The following GREM2 variants were observed in gnomAD, a reference collection of about 807,000 sequenced individuals.
GREM2 encodes gremlin 2, DAN family BMP antagonist, also known as gremlin-2.
Under a neutral mutation model 14.2 loss-of-function variants are expected in GREM2, and 11 were observed. That is an observed-to-expected ratio of 0.78 (90% CI 0.49 to 1.28). GREM2 has a LOEUF of 1.28. Among genes scored for constraint, GREM2 ranks in the 50% most tolerant of loss-of-function variants. The pLI is 0.00. For missense variants in GREM2, 210 were observed against 218.5 expected (o/e 0.96, Z 0.24); for synonymous variants, 98 against 97.6 (o/e 1.00, Z -0.02).
intron 1 of GREM2, among the ~76,000 whole-genome samples, chr1:240,505,563 C>T (rs945953491): frequency 2.0e-5 from 3 of 151,812 alleles, no homozygotes; most frequent in African/African-American, 7.3e-5. Context: ...TGCTATTTTG[C>T]CCTCTTTTTT....
At chr1:240,519,545 C>T (rs562252749) in intron 1 of GREM2, among the ~76,000 whole-genome samples, 3 of 152,154 alleles carry the variant, frequency 2.0e-5, no homozygotes, top group East Asian at 1.9e-4. Context: ...TCAACATATA[C>T]GGTATTCACG....
intron 1 of GREM2, among the ~76,000 whole-genome samples, chr1:240,600,736 G>T (rs998432635): frequency 6.6e-6 from 1 of 151,946 alleles, no homozygotes; most frequent in Admixed American, 6.6e-5. Context: ...CACCTGCCTC[G>T]GCCTCCCAAA....
At position 240,492,301 on chromosome 1, in the gene GREM2, G is replaced by A; in HGVS notation, c.*668C>T. 2 of 425,968 alleles carry A rather than the reference G, an allele frequency of 4.7e-6. No homozygotes were observed. Among genetic ancestry groups the A allele is most frequent in the Non-Finnish European group, 4.8e-6 (1 of 208,640 alleles). The allele number at this position is 425,968 out of a possible 1,614,324, so 26.4% of individuals were successfully genotyped here. A position where few individuals can be genotyped will look rare whatever the true frequency, so the allele number is the denominator to read the frequency against. On this transcript the variant is annotated 3_prime_UTR_variant, in exon 2 of 2. Transcript: ENST00000318160. ...GAAGAGGCGGTGGGGACTTGAGGAT[G>A]GGGGATTGTGTAGCCTGCTCTGCTC...
chr1:240,588,883 A>T (rs1180774503), intron 1 of GREM2: 1 of 152,170 alleles, frequency 6.6e-6, no homozygotes, highest in African/African-American at 2.4e-5. Flanking sequence ...TGGCTAAGGC[A>T]GGAGGATCTC....
At chr1:240,561,693 TACACACACACAC>T (rs541661990) in intron 1 of GREM2, among the ~76,000 whole-genome samples, 1 of 145,630 alleles carries the variant, frequency 6.9e-6, no homozygotes, top group Non-Finnish European at 1.5e-5. Flanking sequence ...TAATCCTGCA[TACACACACACAC>T]ACACACACAC....
intron 1 of GREM2, among the ~76,000 whole-genome samples, chr1:240,499,818 A>G (rs532061242): frequency 7.0e-6 from 1 of 143,270 alleles, no homozygotes; most frequent in South Asian, 2.3e-4. Flanking sequence ...ACAGCCACTC[A>G]TTTAGTCTAT....
In GREM2 at chr1:240,574,247, T is replaced by C. The variant is rs543367244; in HGVS notation, c.-2+37637A>G. Among the ~76,000 whole-genome samples, 111 of 152,232 alleles carry C rather than the reference T, an allele frequency of 7.3e-4. 1 individual carries two copies. Among genetic ancestry groups the C allele is most frequent in the Non-Finnish European group, 1.3e-3 (91 of 68,026 alleles). ...AGATAGGTTTAAAATTTCTTTTCTGTTGTATAGAATTCAATTTTAAAACGA... is the reference window on the plus strand; with the variant it reads ...AGATAGGTTTAAAATTTCTTTTCTGCTGTATAGAATTCAATTTTAAAACGA... On this transcript the variant is annotated intron_variant, in intron 1 of 1. Transcript: ENST00000318160.
At chr1:240,562,711 G>A (rs1416429349) in intron 1 of GREM2, among the ~76,000 whole-genome samples, 3 of 112,430 alleles carry the variant, frequency 2.7e-5, no homozygotes, top group Non-Finnish European at 5.1e-5. Flanking sequence ...GGATTGCCGT[G>A]TGTGTGTGTG....
intron 1 of GREM2, among the ~76,000 whole-genome samples, chr1:240,590,431 C>CT (rs11343465): frequency 0.1 from 14,000 of 139,144 alleles, 907 homozygotes; most frequent in Non-Finnish European, 0.14. Flanking sequence ...CTTTTTCTTT[C>CT]TTTTTTTTTT....
At chr1:240,578,789 TAA>T in intron 1 of GREM2, among the ~76,000 whole-genome samples, 1 of 74,886 alleles carries the variant, frequency 1.3e-5, no homozygotes, top group South Asian at 5.0e-4. Flanking sequence ...GTCTCAAAAA[TAA>T]AATAAAATAA....
chr1:240,561,517 G>C (rs1679035113), intron 1 of GREM2, among the ~76,000 whole-genome samples: 1 of 151,998 alleles, frequency 6.6e-6, no homozygotes, highest in Admixed American at 6.6e-5. Flanking sequence ...AAGACCTTTT[G>C]GTTCCATAAA....
chr1:240,533,131 G>A (rs1476415728), intron 1 of GREM2, among the ~76,000 whole-genome samples: 1 of 152,210 alleles, frequency 6.6e-6, no homozygotes, highest in Non-Finnish European at 1.5e-5. Context: ...TGAGATGTAT[G>A]AGACAGGTAT....
chr1:240,572,235 C>A (rs1265500658), intron 1 of GREM2, among the ~76,000 whole-genome samples: 1 of 152,114 alleles, frequency 6.6e-6, no homozygotes, highest in East Asian at 1.9e-4. Flanking sequence ...TCGGACAAAT[C>A]CTTTACATTG....
chr1:240,566,582 A>G (rs1274519661), intron 1 of GREM2, among the ~76,000 whole-genome samples: 1 of 152,150 alleles, frequency 6.6e-6, no homozygotes, highest in Non-Finnish European at 1.5e-5. Context: ...GATCTTCAGA[A>G]AGCCTTCCTC....
At position 240,612,047 on chromosome 1, in the gene GREM2, G is replaced by A. The variant is rs916055518; in HGVS notation, c.-165C>T. ...GCCAGACTGCAGCAGACGCCCATAAGAGAAGCGCGCCGGCTGAGGGTGCAG... is the reference window on the plus strand; with the variant it reads ...GCCAGACTGCAGCAGACGCCCATAAAAGAAGCGCGCCGGCTGAGGGTGCAG... On this transcript the variant is annotated 5_prime_UTR_variant, in exon 1 of 2. Transcript: ENST00000318160. 2.6e-5 allele frequency: 4 copies of A among 152,742 alleles called. No homozygotes were observed. Among genetic ancestry groups the A allele is most frequent in the Admixed American group, 6.5e-5 (1 of 15,288 alleles). The allele number at this position is 152,742 out of a possible 1,614,324, so 9.5% of individuals were successfully genotyped here.
chr1:240,502,383 T>A (rs1677589706), intron 1 of GREM2, among the ~76,000 whole-genome samples: 1 of 152,232 alleles, frequency 6.6e-6, no homozygotes, highest in Non-Finnish European at 1.5e-5. Flanking sequence ...TTTTCAATTA[T>A]TTTGCTTCAC....
chr1:240,592,772 A>C (rs56059968), intron 1 of GREM2, among the ~76,000 whole-genome samples: 2 of 152,174 alleles, frequency 1.3e-5, no homozygotes, highest in African/African-American at 2.4e-5. Flanking sequence ...TGCCGCATGC[A>C]CTGGCCTGTG....
chr1:240,610,553 A>G (rs1481359536), intron 1 of GREM2, among the ~76,000 whole-genome samples: 1 of 152,234 alleles, frequency 6.6e-6, no homozygotes, highest in African/African-American at 2.4e-5. Flanking sequence ...CTCCACTGTG[A>G]TATACAACAC....
At chr1:240,516,874 T>C (rs1404343604) in intron 1 of GREM2, among the ~76,000 whole-genome samples, 1 of 152,086 alleles carries the variant, frequency 6.6e-6, no homozygotes, top group Non-Finnish European at 1.5e-5. Context: ...TATTGGAAGA[T>C]GGGGGTCGGC....
Sources: gnomAD v4.1 joint callset for allele counts (sites outside exome capture counted in the v4.1 genomes callset) on GRCh38, gnomAD v4.1.1 for gene constraint, MANE v1.5 for transcripts, NCBI Gene and HGNC (gene_info 2026-07-23, HGNC 2026-07-21) for gene names.